The following DGKB variants were observed in gnomAD, a reference collection of about 807,000 sequenced individuals.
DGKB encodes the protein diacylglycerol kinase beta.
A neutral mutation model predicts 114.3 loss-of-function variants in DGKB; 67 were observed. That is an observed-to-expected ratio of 0.59 (90% CI 0.48 to 0.72). The LOEUF is 0.72. DGKB is among the 30% of genes least tolerant of loss of function. The probability of loss-of-function intolerance (pLI) is 0.00; values close to 1 mark genes in which losing one functional copy is unlikely to be tolerated. For missense variants in DGKB, 907 were observed against 975.2 expected, an observed-to-expected ratio of 0.93 and a Z score of 0.93; for synonymous variants, 398 against 323.1, an observed-to-expected ratio of 1.23 and a Z score of -2.49.
intron 17 of DGKB, among the ~76,000 whole-genome samples, chr7:14,588,580 T>G (rs1162859874): frequency 1.3e-5 from 2 of 152,126 alleles, no homozygotes; most frequent in Non-Finnish European, 2.9e-5. Flanking sequence ...GCCCTCCCTC[T>G]CTTCCTTTCT....
Position 14,902,650 on chromosome 7 carries a change from C to T in DGKB, c.-246G>A, listed in dbSNP as rs1783292685. On this transcript the variant is annotated 5_prime_UTR_variant, in exon 1 of 26. Coordinates refer to ENST00000402815, the MANE Select transcript of DGKB (RefSeq NM_001350709.2). ...TCTGAAGCGAGAGCCACTGCTTTTC[C>T]GGAGAGGAACTGGGACTAGCCAGTT... 1.3e-5 allele frequency: 2 copies of T among 152,212 alleles called. No individual in the cohort carries two copies. Among genetic ancestry groups the T allele is most frequent in the African/African-American group, 4.8e-5 (2 of 41,424 alleles). 9.4% of individuals were successfully genotyped at this position (152,212 alleles called of 1,614,324 possible).
intron 23 of DGKB, among the ~76,000 whole-genome samples, chr7:14,194,228 G>T (rs992158737): frequency 6.6e-6 from 1 of 152,130 alleles, no homozygotes; most frequent in Middle Eastern, 3.2e-3. Context: ...GAATCAGCAC[G>T]TCAAAAGAGA....
chr7:14,768,277 AAC>A (rs1836771902), intron 2 of DGKB, among the ~76,000 whole-genome samples: 1 of 151,976 alleles, frequency 6.6e-6, no homozygotes, highest in Admixed American at 6.6e-5. Context: ...AGGAGGCTAT[AAC>A]TAACTGGACA....
At position 14,941,643 on chromosome 7, in the gene DGKB, T is replaced by A. The variant is rs947980045; in HGVS notation, c.-188+33053A>T. On this transcript the variant is annotated intron_variant, in intron 1 of 4. Transcript: ENST00000437998. ...TGAGGGTGATTTAAATATTGGTGAA[T>A]GGTACTAAATGTAAAAACCAATCGA... Among the ~76,000 whole-genome samples, 7 of 152,194 alleles carry A rather than the reference T, an allele frequency of 4.6e-5. No individual in the cohort carries two copies. In the South Asian group the frequency reaches 1.5e-3, roughly 32 times the overall value.
At chr7:14,550,357 T>C (rs1363874326) in intron 20 of DGKB, among the ~76,000 whole-genome samples, 1 of 152,156 alleles carries the variant, frequency 6.6e-6, no homozygotes, top group African/African-American at 2.4e-5. Flanking sequence ...TGAAATTTTA[T>C]GAGTAAAATA....
chr7:14,393,043 C>A (rs531325952), intron 21 of DGKB, among the ~76,000 whole-genome samples: 1 of 119,484 alleles, frequency 8.4e-6, no homozygotes, highest in African/African-American at 3.0e-5. Context: ...GGCTGGAGTG[C>A]AGTGGCACGA....
intron 21 of DGKB, among the ~76,000 whole-genome samples, chr7:14,385,391 T>C (rs1157925889): frequency 1.3e-5 from 2 of 152,188 alleles, no homozygotes; most frequent in African/African-American, 4.8e-5. Flanking sequence ...CTGCTATTTG[T>C]AGACTAGGTC....
chr7:14,635,892 T>C (rs1331512599), intron 13 of DGKB, among the ~76,000 whole-genome samples: 20 of 151,660 alleles, frequency 1.3e-4, no homozygotes, highest in Admixed American at 1.3e-3. Context: ...AAATATATCA[T>C]TGTATAGTTA....
intron 23 of DGKB, among the ~76,000 whole-genome samples, chr7:14,297,053 G>A (rs1802709953): frequency 6.6e-6 from 1 of 152,102 alleles, no homozygotes; most frequent in South Asian, 2.1e-4. Context: ...CTGAAATTGA[G>A]ACAGTAATTA....
chr7:14,942,479 A>G (rs933280647), intron 1 of DGKB, among the ~76,000 whole-genome samples: 5 of 151,946 alleles, frequency 3.3e-5, no homozygotes, highest in Non-Finnish European at 7.4e-5. Context: ...TTATGTTTCT[A>G]TGTTTTTACA....
chr7:14,705,211 G>A (rs1241677817), intron 6 of DGKB, among the ~76,000 whole-genome samples: 1 of 152,092 alleles, frequency 6.6e-6, no homozygotes, highest in African/African-American at 2.4e-5. Flanking sequence ...CTGGAAAAAG[G>A]GTGTCAGCAA....
intron 1 of DGKB, among the ~76,000 whole-genome samples, chr7:14,953,343 C>G (rs760731013): frequency 6.6e-6 from 1 of 151,766 alleles, no homozygotes. Context: ...TGTAAAGAAC[C>G]CTTACAACTC....
chr7:14,709,921 C>G (rs1048797764), intron 6 of DGKB, among the ~76,000 whole-genome samples: 1 of 143,298 alleles, frequency 7.0e-6, no homozygotes, highest in African/African-American at 2.6e-5. Context: ...ACATATGTAA[C>G]TAACCTGCAC....
intron 12 of DGKB, among the ~76,000 whole-genome samples, chr7:14,680,841 G>T (rs923799894): frequency 3.3e-5 from 5 of 151,774 alleles, no homozygotes; most frequent in Non-Finnish European, 7.4e-5. Flanking sequence ...TTTTTAGAGG[G>T]TTCAAACTGA....
intron 1 of DGKB, among the ~76,000 whole-genome samples, chr7:14,901,612 C>T (rs1034670645): frequency 3.5e-5 from 5 of 142,392 alleles, no homozygotes; most frequent in Non-Finnish European, 6.1e-5. Flanking sequence ...TCCACCCCCC[C>T]CCACCCCCCA....
At chr7:14,676,774 C>A (rs1407462399) in intron 12 of DGKB, among the ~76,000 whole-genome samples, 1 of 151,828 alleles carries the variant, frequency 6.6e-6, no homozygotes, top group Non-Finnish European at 1.5e-5. Context: ...GGGTCCTCAT[C>A]AAGAATAGAA....
At chr7:14,384,426 G>A (rs866012816) in intron 21 of DGKB, among the ~76,000 whole-genome samples, 6 of 151,838 alleles carry the variant, frequency 4.0e-5, no homozygotes, top group Admixed American at 6.6e-5. Context: ...ACTCTATATC[G>A]GCAGAACCGA....
chr7:14,835,994 G>T (rs574021882), intron 2 of DGKB, among the ~76,000 whole-genome samples: 3 of 152,056 alleles, frequency 2.0e-5, no homozygotes, highest in Non-Finnish European at 4.4e-5. Context: ...TTAGTATGAC[G>T]CTGATTATAG....
At chr7:14,736,792 A>G (rs1321986370) in intron 4 of DGKB, among the ~76,000 whole-genome samples, 1 of 152,242 alleles carries the variant, frequency 6.6e-6, no homozygotes, top group African/African-American at 2.4e-5. Context: ...TACTCATTGC[A>G]GAACTATATA....
Sources: gnomAD v4.1 joint callset for allele counts (sites outside exome capture counted in the v4.1 genomes callset) on GRCh38, gnomAD v4.1.1 for gene constraint, MANE v1.5 for transcripts, NCBI Gene and HGNC (gene_info 2026-07-23, HGNC 2026-07-21) for gene names.